The following ZMAT4 variants were observed in gnomAD, a reference collection of about 807,000 sequenced individuals.
ZMAT4 encodes zinc finger matrin-type protein 4.
Under a neutral mutation model 28.7 loss-of-function variants are expected in ZMAT4, and 17 were observed. The observed-to-expected ratio is 0.59, with a 90% CI of 0.41 to 0.89. The LOEUF is 0.89. Among genes scored for constraint, ZMAT4 ranks in the 40% least tolerant of loss-of-function variants. The probability of loss-of-function intolerance (pLI) is 0.00; values close to 1 mark genes in which losing one functional copy is unlikely to be tolerated. For synonymous variants in ZMAT4, 117 were observed against 109.2 expected (o/e 1.07, Z -0.44); for missense variants, 240 against 283.8 (o/e 0.85, Z 1.11).
intron 6 of ZMAT4, among the ~76,000 whole-genome samples, chr8:40,566,968 A>G (rs896688352): frequency 2.0e-5 from 3 of 152,196 alleles, no homozygotes; most frequent in African/African-American, 4.8e-5. Context: ...TAAGGCATTT[A>G]TAAGATCTTT....
At position 40,625,621 on chromosome 8, in the gene ZMAT4, G is replaced by C. The variant is rs148177679; in HGVS notation, c.578-44360C>G. Among the ~76,000 whole-genome samples the C allele has an allele frequency of 1.3e-3, 201 of 152,254 alleles. 1 individual carries two copies. Among genetic ancestry groups the C allele is most frequent in the South Asian group, 1.9e-3 (9 of 4,818 alleles). On this transcript the variant is annotated intron_variant, in intron 5 of 6. Coordinates refer to ENST00000297737, the MANE Select transcript of ZMAT4 (RefSeq NM_024645.3). Reference sequence around the variant, plus strand: ...GGGCAAAAGTAATTGTGCGGATGTGGTACCATTTACAGCAACAAGGTGGGA... The same window carrying C: ...GGGCAAAAGTAATTGTGCGGATGTGCTACCATTTACAGCAACAAGGTGGGA...
intron 5 of ZMAT4, among the ~76,000 whole-genome samples, chr8:40,603,289 A>G (rs1278154208): frequency 6.6e-6 from 1 of 152,060 alleles, no homozygotes; most frequent in Admixed American, 6.6e-5. Flanking sequence ...CTATGTGCCT[A>G]TTTTTACACC....
chr8:40,588,277 A>C (rs1320770348), intron 5 of ZMAT4, among the ~76,000 whole-genome samples: 1 of 152,112 alleles, frequency 6.6e-6, no homozygotes. Flanking sequence ...GTGACAAATT[A>C]GATTTTATAA....
chr8:40,567,915 G>A (rs1251358362), intron 6 of ZMAT4, among the ~76,000 whole-genome samples: 7 of 152,002 alleles, frequency 4.6e-5, no homozygotes, highest in Non-Finnish European at 5.9e-5. Flanking sequence ...ATTGAGATTA[G>A]CCAGAATATA....
chr8:40,781,538 G>A lies in ZMAT4; in HGVS notation c.103-13808C>T, dbSNP rs535690303. On this transcript the variant is annotated intron_variant, in intron 2 of 6. Transcript: ENST00000297737. ...AGCACTTTGGGAGGCCGAGGCGGGCGGATCACGAGGTCAGGAGTTCGAGAC... is the reference window on the plus strand; with the variant it reads ...AGCACTTTGGGAGGCCGAGGCGGGCAGATCACGAGGTCAGGAGTTCGAGAC... 8.0e-4 allele frequency among the ~76,000 whole-genome samples: 121 copies of A among 151,676 alleles called. 1 individual carries two copies. Among genetic ancestry groups the A allele is most frequent in the African/African-American group, 2.0e-3 (84 of 41,412 alleles).
At chr8:40,804,756 G>A (rs1815002680) in intron 2 of ZMAT4, among the ~76,000 whole-genome samples, 1 of 152,072 alleles carries the variant, frequency 6.6e-6, no homozygotes, top group South Asian at 2.1e-4. Context: ...CAGGAAAATT[G>A]CTTGAACCCG....
chr8:40,674,080 CTTTTTTTTTT>C (rs59753899), intron 5 of ZMAT4, among the ~76,000 whole-genome samples: 2 of 107,266 alleles, frequency 1.9e-5, no homozygotes, highest in Admixed American at 1.2e-4. Flanking sequence ...TTTTTATCAT[CTTTTTTTTTT>C]TTTTTTTTTT....
chr8:40,536,211 C>A (rs1464503956), intron 6 of ZMAT4, among the ~76,000 whole-genome samples: 1 of 152,166 alleles, frequency 6.6e-6, no homozygotes, highest in Non-Finnish European at 1.5e-5. Flanking sequence ...GACAAAAGTG[C>A]AGCGTTTTCC....
intron 6 of ZMAT4, among the ~76,000 whole-genome samples, chr8:40,539,008 T>C (rs1464037788): frequency 6.6e-6 from 1 of 152,088 alleles, no homozygotes; most frequent in Non-Finnish European, 1.5e-5. Flanking sequence ...CTGGTCTTGA[T>C]CTCCTGACCT....
At chr8:40,657,432 A>G (rs2118842262) in intron 5 of ZMAT4, among the ~76,000 whole-genome samples, 1 of 151,808 alleles carries the variant, frequency 6.6e-6, no homozygotes, top group African/African-American at 2.4e-5. Context: ...CTTGAAGAAT[A>G]TTTTCACTGA....
chr8:40,689,445 A>T (rs890343634), intron 4 of ZMAT4, among the ~76,000 whole-genome samples: 4 of 152,272 alleles, frequency 2.6e-5, no homozygotes, highest in African/African-American at 9.6e-5. Context: ...CTCAAATGCC[A>T]TGCAGTAATT....
chr8:40,765,829 C>A (rs1013741198), intron 3 of ZMAT4, among the ~76,000 whole-genome samples: 6 of 152,108 alleles, frequency 3.9e-5, no homozygotes, highest in African/African-American at 1.4e-4. Flanking sequence ...TTGTCTCTGA[C>A]CATTAGCATA....
chr8:40,702,016 G>C (rs1318257977), intron 3 of ZMAT4, among the ~76,000 whole-genome samples: 1 of 152,180 alleles, frequency 6.6e-6, no homozygotes, highest in Non-Finnish European at 1.5e-5. Context: ...GAGAGAGGGG[G>C]TTTGTTATCA....
At chr8:40,798,308 T>C (rs1392845684) in intron 2 of ZMAT4, among the ~76,000 whole-genome samples, 1 of 152,198 alleles carries the variant, frequency 6.6e-6, no homozygotes, top group African/African-American at 2.4e-5. Flanking sequence ...CTGGCAAACA[T>C]TTATCAAGCT....
intron 6 of ZMAT4, among the ~76,000 whole-genome samples, chr8:40,561,397 A>G (rs977694814): frequency 2.0e-5 from 3 of 151,904 alleles, no homozygotes; most frequent in African/African-American, 4.8e-5. Context: ...TCCCTTAGCT[A>G]TATGTTTCTG....
chr8:40,896,130 T>C (rs974053463), intron 1 of ZMAT4, among the ~76,000 whole-genome samples: 3 of 152,236 alleles, frequency 2.0e-5, no homozygotes, highest in African/African-American at 7.2e-5. Flanking sequence ...ATAATCACAG[T>C]TCCCACCCAA....
intron 5 of ZMAT4, among the ~76,000 whole-genome samples, chr8:40,651,633 C>A (rs1807656261): frequency 6.7e-6 from 1 of 150,244 alleles, no homozygotes; most frequent in Non-Finnish European, 1.5e-5. Context: ...AATCCTAAGC[C>A]AAAAGAACAA....
chr8:40,866,735 A>T (rs1045993452), intron 1 of ZMAT4, among the ~76,000 whole-genome samples: 2 of 152,216 alleles, frequency 1.3e-5, no homozygotes, highest in African/African-American at 4.8e-5. Context: ...GCTGGCAAGC[A>T]CCCGGGGAGT....
chr8:40,704,357 T>A (rs1481158294), intron 3 of ZMAT4, among the ~76,000 whole-genome samples: 2 of 152,138 alleles, frequency 1.3e-5, no homozygotes, highest in Admixed American at 1.3e-4. Flanking sequence ...CCCTTTCCAC[T>A]CCATTTGGGT....
Sources: gnomAD v4.1 joint callset for allele counts (sites outside exome capture counted in the v4.1 genomes callset) on GRCh38, gnomAD v4.1.1 for gene constraint, MANE v1.5 for transcripts, NCBI Gene and HGNC (gene_info 2026-07-23, HGNC 2026-07-21) for gene names.